The following SEMA3C variants were observed in gnomAD, a reference collection of about 807,000 sequenced individuals.
The protein encoded by SEMA3C is semaphorin-3C.
A neutral mutation model predicts 89.4 loss-of-function variants in SEMA3C; 47 were observed. That is an observed-to-expected ratio of 0.53 (90% CI 0.42 to 0.67). The LOEUF (loss-of-function observed/expected upper bound fraction) is 0.67. SEMA3C is among the 30% of genes least tolerant of loss of function. The pLI is 0.00. For missense variants in SEMA3C, 839 were observed against 929.1 expected, an observed-to-expected ratio of 0.90 and a Z score of 1.26; for synonymous variants, 310 against 320.2, an observed-to-expected ratio of 0.97 and a Z score of 0.34.
At chr7:80,910,910 C>G (rs1792131971) in intron 2 of SEMA3C, among the ~76,000 whole-genome samples, 1 of 151,146 alleles carries the variant, frequency 6.6e-6, no homozygotes, top group Admixed American at 6.6e-5. Flanking sequence ...GGAGATACAT[C>G]CTGATAAATT....
intron 4 of SEMA3C, among the ~76,000 whole-genome samples, chr7:80,820,202 C>T (rs1789711715): frequency 6.6e-6 from 1 of 151,632 alleles, no homozygotes; most frequent in South Asian, 2.1e-4. Flanking sequence ...GGATTACAGG[C>T]ATGTGCCACC....
intron 2 of SEMA3C, among the ~76,000 whole-genome samples, chr7:80,863,824 TG>T (rs1424350667): frequency 6.9e-6 from 1 of 145,176 alleles, no homozygotes; most frequent in African/African-American, 2.6e-5. Flanking sequence ...CATATATATG[TG>T]ATATGTGATA....
upstream of SEMA3C, chr7:80,922,173 A>G: frequency 9.5e-7 from 1 of 1,047,496 alleles, no homozygotes; most frequent in South Asian, 1.4e-5. Context: ...CCAAAGTCAA[A>G]TGGGTAGTAA....
intron 13 of SEMA3C, among the ~76,000 whole-genome samples, chr7:80,764,656 A>G (rs1788256684): frequency 1.3e-5 from 2 of 152,142 alleles, no homozygotes; most frequent in Admixed American, 1.3e-4. Context: ...TGGTAAAGAG[A>G]CAACATTTGT....
In SEMA3C at chr7:80,869,414, T is replaced by G. The variant is rs767637397; in HGVS notation, c.104-40669A>C. On this transcript the variant is annotated intron_variant, in intron 2 of 17. Transcript: ENST00000265361. ...TACAAATTTGCTGTGTGCCCTTTAA[T>G]ATTTATAGCCCATAACAACTCTCAC... Among the ~76,000 whole-genome samples the G allele has an allele frequency of 4.6e-5, 7 of 152,324 alleles. No homozygotes were observed. In the East Asian group the frequency reaches 9.6e-4, roughly 21 times the overall value.
At chr7:80,757,648 G>A (rs1452437545) in intron 15 of SEMA3C, among the ~76,000 whole-genome samples, 2 of 152,176 alleles carry the variant, frequency 1.3e-5, no homozygotes, top group Non-Finnish European at 2.9e-5. Flanking sequence ...CTAGGAAGGT[G>A]GGTTTTAAGG....
chr7:80,921,984 TTACCC>T (rs1792417087), upstream of SEMA3C, among the ~76,000 whole-genome samples: 1 of 152,180 alleles, frequency 6.6e-6, no homozygotes, highest in Admixed American at 6.5e-5. Context: ...TAAATAAACT[TTACCC>T]TAACCAGAGA....
intron 2 of SEMA3C, among the ~76,000 whole-genome samples, chr7:80,844,659 T>C (rs1217912189): frequency 6.6e-6 from 1 of 152,164 alleles, no homozygotes; most frequent in Non-Finnish European, 1.5e-5. Context: ...GGAATAATAA[T>C]AATATTCCTC....
intron 15 of SEMA3C, among the ~76,000 whole-genome samples, chr7:80,756,899 G>A (rs922243734): frequency 2.0e-5 from 3 of 151,988 alleles, no homozygotes; most frequent in Non-Finnish European, 4.4e-5. Flanking sequence ...TTCACAGATC[G>A]TGTTATTATT....
intron 12 of SEMA3C, among the ~76,000 whole-genome samples, chr7:80,788,561 T>G (rs1322593006): frequency 6.6e-6 from 1 of 152,196 alleles, no homozygotes; most frequent in Non-Finnish European, 1.5e-5. Context: ...GACCACACTT[T>G]GAGAACCACT....
intron 2 of SEMA3C, among the ~76,000 whole-genome samples, chr7:80,864,744 G>A (rs776249664): frequency 6.6e-6 from 1 of 152,076 alleles, no homozygotes; most frequent in Non-Finnish European, 1.5e-5. Context: ...CATCTCTCCT[G>A]AGCTATGAAA....
intron 2 of SEMA3C, among the ~76,000 whole-genome samples, chr7:80,866,132 G>T (rs568478353): frequency 2.8e-4 from 42 of 152,216 alleles, no homozygotes; most frequent in Admixed American, 7.2e-4. Flanking sequence ...TTTCAGATAT[G>T]TGTTTTCAAT....
intron 2 of SEMA3C, among the ~76,000 whole-genome samples, chr7:80,902,632 C>T (rs879861893): frequency 1.5e-4 from 23 of 152,134 alleles, no homozygotes; most frequent in Non-Finnish European, 2.8e-4. Context: ...ATCAATGATT[C>T]ATTTAAAACC....
chr7:80,745,602 A>T (rs1187667304), intron 17 of SEMA3C, among the ~76,000 whole-genome samples: 2 of 152,094 alleles, frequency 1.3e-5, no homozygotes, highest in Admixed American at 1.3e-4. Context: ...GTTTCTCCAT[A>T]TATAAGCACA....
chr7:80,811,963 C>A (rs926222160), intron 5 of SEMA3C, among the ~76,000 whole-genome samples: 1 of 152,122 alleles, frequency 6.6e-6, no homozygotes, highest in African/African-American at 2.4e-5. Flanking sequence ...TTTCACATTG[C>A]CTCCACATCC....
Position 80,899,358 on chromosome 7 carries a change from A to G in SEMA3C, c.103+17321T>C, listed in dbSNP as rs142097163. On this transcript the variant is annotated intron_variant, in intron 2 of 17. Coordinates refer to ENST00000265361, the MANE Select transcript of SEMA3C (RefSeq NM_006379.5). ...GCTCGGCCTCAACTTATTTTTTCGT[A>G]ACAAATATGTTCGTAGACAAAGACA... is the stretch of plus-strand genomic sequence containing the variant. Among the ~76,000 whole-genome samples the G allele has an allele frequency of 5.9e-5, 9 of 152,222 alleles. No homozygotes were observed. The East Asian group carries it at 1.5e-3, about 26-fold the overall frequency.
intron 2 of SEMA3C, among the ~76,000 whole-genome samples, chr7:80,871,931 T>C (rs181182678): frequency 6.0e-4 from 91 of 152,246 alleles, no homozygotes; most frequent in African/African-American, 2.0e-3. Flanking sequence ...TACATAGTAA[T>C]ATAAATATAA....
chr7:80,756,793 T>A (rs1381464846), intron 15 of SEMA3C, among the ~76,000 whole-genome samples: 1 of 147,392 alleles, frequency 6.8e-6, no homozygotes, highest in African/African-American at 2.7e-5. Context: ...GCTCACACAG[T>A]ATGTCCGCAG....
intron 2 of SEMA3C, among the ~76,000 whole-genome samples, chr7:80,872,116 G>C (rs951915343): frequency 1.3e-5 from 2 of 152,048 alleles, no homozygotes; most frequent in African/African-American, 4.8e-5. Context: ...TTAGTGAGAA[G>C]AGTGGCAATA....
Sources: allele counts gnomAD v4.1 joint callset (sites outside exome capture counted in the v4.1 genomes callset), GRCh38; gene constraint gnomAD v4.1.1; transcripts MANE v1.5; gene names NCBI Gene and HGNC (gene_info 2026-07-23, HGNC 2026-07-21).